The following CDH4 variants were observed in gnomAD, a reference collection of about 807,000 sequenced individuals.
CDH4 encodes the protein cadherin-4.
Under a neutral mutation model 86.0 loss-of-function variants are expected in CDH4, and 33 were observed. The observed-to-expected ratio is 0.38, with a 90% confidence interval of 0.29 to 0.51. The LOEUF (loss-of-function observed/expected upper bound fraction) is 0.51, where lower values mean the gene tolerates loss of function less well. Ranked by LOEUF, CDH4 falls within the 20% of genes least tolerant of loss-of-function variation. The probability of loss-of-function intolerance (pLI) is 0.86; values close to 1 mark genes in which losing one functional copy is unlikely to be tolerated. For missense variants in CDH4, 1,114 were observed against 1,307.4 expected (o/e 0.85, Z 2.28); for synonymous variants, 555 against 549.4 (o/e 1.01, Z -0.14).
chr20:61,929,225 C>T (rs942153897), intron 12 of CDH4, among the ~76,000 whole-genome samples: 1 of 151,994 alleles, frequency 6.6e-6, no homozygotes, highest in Non-Finnish European at 1.5e-5. Flanking sequence ...TGCAACTCCA[C>T]CTCCCAGGTT....
Position 61,829,230 on chromosome 20 carries a change from C to T in CDH4, c.577-15438C>T, listed in dbSNP as rs998954272. 2.0e-5 allele frequency among the ~76,000 whole-genome samples: 3 copies of T among 152,248 alleles called. No individual in the cohort carries two copies. The highest frequency in any genetic ancestry group is 7.2e-5 in the African/African-American group (3 of 41,468). ...TGTCTCTATGGATTTGCCTGTCCTG[C>T]ATACTTTGTGTCAATGGAAGGAGGT... On this transcript the variant is annotated intron_variant, in intron 4 of 15. Transcript: ENST00000614565. This position sits in a 1 kb window ranked among gnomAD's most constrained non-coding sequence, Gnocchi z 4.2.
At chr20:61,584,842 G>A (rs993274586) in intron 2 of CDH4, among the ~76,000 whole-genome samples, 4 of 123,606 alleles carry the variant, frequency 3.2e-5, no homozygotes, top group African/African-American at 9.7e-5. Context: ...CGCTGCCTGG[G>A]CCAGCAGCTC....
intron 6 of CDH4, among the ~76,000 whole-genome samples, chr20:61,867,097 C>CCA (rs1043309494): frequency 3.3e-5 from 5 of 152,282 alleles, no homozygotes; most frequent in African/African-American, 9.6e-5. Context: ...TTCCAGGTGC[C>CCA]CACACACACA....
chr20:61,858,325 C>CTGTCTGTGTCGGTG (rs1555849380), intron 6 of CDH4, among the ~76,000 whole-genome samples: 1 of 145,702 alleles, frequency 6.9e-6, no homozygotes, highest in Non-Finnish European at 1.5e-5. Context: ...GTGTCTGTGT[C>CTGTCTGTGTCGGTG]TGTCTGTGTC....
At chr20:61,598,885 C>A (rs1342581138) in intron 2 of CDH4, among the ~76,000 whole-genome samples, 6 of 152,224 alleles carry the variant, frequency 3.9e-5, no homozygotes, top group African/African-American at 1.4e-4. Flanking sequence ...GATGGCTCCT[C>A]CAGGGCTGAC....
At chr20:61,587,295 A>AG (rs2086485019) in intron 2 of CDH4, among the ~76,000 whole-genome samples, 1 of 151,934 alleles carries the variant, frequency 6.6e-6, no homozygotes, top group Non-Finnish European at 1.5e-5. Context: ...GACACTGTCA[A>AG]GGGGGATGCT....
Position 61,628,185 on chromosome 20 carries a change from T to C in CDH4, c.170-115378T>C, listed in dbSNP as rs76225513. Among the ~76,000 whole-genome samples, 1,451 of 152,286 alleles carry C rather than the reference T, an allele frequency of 9.5e-3. 23 individuals carry two copies. Among genetic ancestry groups the C allele is most frequent in the African/African-American group, 0.032 (1,343 of 41,566 alleles). On this transcript the variant is annotated intron_variant, in intron 2 of 15. Coordinates refer to ENST00000614565, the MANE Select transcript of CDH4 (RefSeq NM_001794.5). Reference sequence around the variant, plus strand: ...GAGCTATTTGTGTCTCATTCACATGTGCGGTTTCCCCTTCCCAGGACCCCC... The same window carrying C: ...GAGCTATTTGTGTCTCATTCACATGCGCGGTTTCCCCTTCCCAGGACCCCC...
chr20:61,396,434 A>T (rs1411208571), intron 2 of CDH4, among the ~76,000 whole-genome samples: 1 of 152,180 alleles, frequency 6.6e-6, no homozygotes, highest in Non-Finnish European at 1.5e-5. Context: ...ACTTCCCAGG[A>T]TGCTGGCAGC....
intron 2 of CDH4, among the ~76,000 whole-genome samples, chr20:61,628,037 C>G (rs944672021): frequency 2.6e-4 from 40 of 152,302 alleles, no homozygotes; most frequent in African/African-American, 7.7e-4. Context: ...CCACCTCACC[C>G]CTGTGGCCCA....
At chr20:61,622,691 T>C (rs1344482459) in intron 2 of CDH4, among the ~76,000 whole-genome samples, 1 of 152,224 alleles carries the variant, frequency 6.6e-6, no homozygotes, top group African/African-American at 2.4e-5. Context: ...GCACTTGGGA[T>C]TGGATAACTC....
chr20:61,525,496 C>T (rs1044241276), intron 2 of CDH4, among the ~76,000 whole-genome samples: 12 of 152,094 alleles, frequency 7.9e-5, no homozygotes, highest in Admixed American at 3.9e-4. Context: ...CAGCCATGGC[C>T]GTGAACCCAG....
intron 2 of CDH4, among the ~76,000 whole-genome samples, chr20:61,424,990 G>A (rs573136957): frequency 1.3e-5 from 2 of 152,370 alleles, no homozygotes; most frequent in South Asian, 4.1e-4. Flanking sequence ...TCACGCAGAG[G>A]AGGAGCCTAC....
intron 2 of CDH4, among the ~76,000 whole-genome samples, chr20:61,643,308 C>T (rs747522577): frequency 2.0e-5 from 3 of 152,222 alleles, no homozygotes; most frequent in Non-Finnish European, 4.4e-5. Context: ...CCACGAATGG[C>T]TCTGCCCTCA....
At chr20:61,911,902 A>C (rs932153974) in intron 9 of CDH4, among the ~76,000 whole-genome samples, 25 of 152,228 alleles carry the variant, frequency 1.6e-4, no homozygotes, top group African/African-American at 6.0e-4. Context: ...AGCCCGGAGC[A>C]GAGACTTAAC....
chr20:61,677,876 ATAGAT>A (rs2087462424), intron 2 of CDH4, among the ~76,000 whole-genome samples: 6 of 93,088 alleles, frequency 6.4e-5, no homozygotes, highest in Admixed American at 3.4e-4. Context: ...TAGATGATGG[ATAGAT>A]GATGGATGAT....
chr20:61,889,406 G>A (rs13041608), intron 7 of CDH4, among the ~76,000 whole-genome samples: 123,123 of 148,898 alleles, frequency 0.83, 51,818 homozygotes, highest in Non-Finnish European at 0.92. Flanking sequence ...GATGAGGGAT[G>A]GGTGGGTAGA....
intron 2 of CDH4, among the ~76,000 whole-genome samples, chr20:61,569,750 G>T (rs568274545): frequency 1.3e-5 from 2 of 152,196 alleles, no homozygotes; most frequent in South Asian, 2.1e-4. Flanking sequence ...TGCATTTGCT[G>T]TCACGCCCTT....
chr20:61,562,017 G>A (rs1250513519), intron 2 of CDH4, among the ~76,000 whole-genome samples: 1 of 150,910 alleles, frequency 6.6e-6, no homozygotes, highest in Non-Finnish European at 1.5e-5. Flanking sequence ...GGCTCCCGGA[G>A]AGAGAGAGGG....
intron 2 of CDH4, among the ~76,000 whole-genome samples, chr20:61,282,972 C>T (rs1254904066): frequency 3.8e-5 from 2 of 52,518 alleles, no homozygotes; most frequent in South Asian, 1.1e-3. Flanking sequence ...CGTTTGCACG[C>T]GCGTGCTGTG....
Sources: allele counts gnomAD v4.1 joint callset (sites outside exome capture counted in the v4.1 genomes callset), GRCh38; gene constraint gnomAD v4.1.1; non-coding constraint Gnocchi (gnomAD v3.1); transcripts MANE v1.5; gene names NCBI Gene and HGNC (gene_info 2026-07-23, HGNC 2026-07-21).